Variants in CAPN8 observed in about 807,000 individuals in gnomAD.
CAPN8 encodes calpain 8.
In CAPN8, 87 loss-of-function variants were observed where a neutral mutation model predicts 80.9. That is an observed-to-expected ratio of 1.07 (90% CI 0.90 to 1.28). CAPN8 has a LOEUF of 1.28. CAPN8 is among the 50% of genes most tolerant of loss of function. The pLI, the probability that CAPN8 is intolerant of heterozygous loss-of-function variation, is 0.00. For synonymous variants in CAPN8, 299 were observed against 273.8 expected, an observed-to-expected ratio of 1.09 and a Z score of -0.91; for missense variants, 757 against 702.0, an observed-to-expected ratio of 1.08 and a Z score of -0.89.
At chr1:223,550,119 A>G (rs1052547256) in intron 15 of CAPN8, among the ~76,000 whole-genome samples, 1 of 152,080 alleles carries the variant, frequency 6.6e-6, no homozygotes, top group African/African-American at 2.4e-5. Context: ...CTCACCTTCC[A>G]TATACCTGGG....
At chr1:223,652,491 C>G (rs1658368905) in intron 2 of CAPN8, among the ~76,000 whole-genome samples, 1 of 152,156 alleles carries the variant, frequency 6.6e-6, no homozygotes, top group Admixed American at 6.5e-5. Context: ...GTGTGCTGCT[C>G]CCTTGTTCTT....
At position 223,544,775 on chromosome 1, in the gene CAPN8, C is replaced by A. The variant is rs1656572912; in HGVS notation, c.1909G>T (p.Ala637Ser). 1 of 1,551,576 alleles carries A rather than the reference C, an allele frequency of 6.4e-7. No homozygotes were observed. Among genetic ancestry groups the A allele is most frequent in the Admixed American group, 2.0e-5 (1 of 50,986 alleles). ...TGTCTACAGGATGTGTCCTCACCTG[C>A]CTTCCTGAGGGCTGTCCTCATCTCG... ...AHEMRTALRK[A>S]GFTLNSQVQQ... is the part of the protein sequence containing the mutation. Residue 637 changes from alanine to serine, a missense_variant, in exon 18 of 21, where the codon GCA becomes TCA. Transcript: ENST00000366872.
intron 2 of CAPN8, chr1:223,642,557 G>C (rs893231005): frequency 2.2e-5 from 7 of 325,322 alleles, no homozygotes; most frequent in Non-Finnish European, 4.2e-5. Flanking sequence ...GACTATTCTG[G>C]GCCAGGGGGG....
chr1:223,610,457 G>C (rs891386257), intron 11 of CAPN8, among the ~76,000 whole-genome samples: 9 of 152,188 alleles, frequency 5.9e-5, no homozygotes. Context: ...TGGCCAGAGA[G>C]GATGTGACCA....
At chr1:223,616,349 ATATGGCATCGCATTTGGAAATG>A (rs1299609130) in intron 9 of CAPN8, among the ~76,000 whole-genome samples, 1 of 152,226 alleles carries the variant, frequency 6.6e-6, no homozygotes, top group African/African-American at 2.4e-5. Context: ...ACACACAGAC[ATATGGCATCGCATTTGGAAATG>A]TGTGCTTGTC....
At chr1:223,631,018 A>G (rs1305947136) in intron 2 of CAPN8, among the ~76,000 whole-genome samples, 1 of 152,158 alleles carries the variant, frequency 6.6e-6, no homozygotes, top group Non-Finnish European at 1.5e-5. Context: ...CTAACAGGGC[A>G]TCAACACCCT....
At chr1:223,631,435 C>T (rs1184260347) in intron 2 of CAPN8, among the ~76,000 whole-genome samples, 1 of 152,106 alleles carries the variant, frequency 6.6e-6, no homozygotes, top group Non-Finnish European at 1.5e-5. Context: ...GCCCTTCCTC[C>T]TCACACCTCC....
intron 8 of CAPN8, 36 bp downstream of exon 8, chr1:223,620,156 C>T (rs1174288841): frequency 1.3e-6 from 2 of 1,529,250 alleles, no homozygotes; most frequent in Non-Finnish European, 1.8e-6. Context: ...GGACCCATCA[C>T]CAATGGGACA....
Position 223,628,136 on chromosome 1 carries a change from G to T in CAPN8, c.433C>A (p.Gln145Lys), listed in dbSNP as rs1253581388. ...YAGIFHFQFW[Q>K]YGEWVEVVID... ...ACCACCTCCACCCACTCTCCGTACT[G>T]CCAGAACTGGGGAGGGGGGACACAG... The change falls in exon 4 of 21, where the codon CAG (glutamine) becomes AAG (lysine). Residue 145 changes from glutamine (Q) to lysine (K), a missense_variant. Physicochemically the swap from Gln to Lys is moderately conservative, Grantham distance 53. Coordinates refer to ENST00000366872, the MANE Select transcript of CAPN8 (RefSeq NM_001143962.2). 3 of 1,545,700 alleles carry T rather than the reference G, an allele frequency of 1.9e-6. No homozygotes were observed. The highest frequency in any genetic ancestry group is 2.6e-6 in the Non-Finnish European group (3 of 1,144,138).
intron 1 of CAPN8, among the ~76,000 whole-genome samples, chr1:223,661,752 T>A (rs550737312): frequency 2.6e-5 from 4 of 152,334 alleles, no homozygotes; most frequent in African/African-American, 9.6e-5. Context: ...AAAACAGCAC[T>A]GTGGTTCCTC....
intron 15 of CAPN8, among the ~76,000 whole-genome samples, chr1:223,550,419 C>T (rs1656751263): frequency 6.6e-6 from 1 of 152,138 alleles, no homozygotes; most frequent in African/African-American, 2.4e-5. Flanking sequence ...AAACCAGCTC[C>T]CTGTGTCCTC....
chr1:223,657,044 G>C (rs1658514014), intron 1 of CAPN8, among the ~76,000 whole-genome samples: 1 of 152,120 alleles, frequency 6.6e-6, no homozygotes, highest in Admixed American at 6.5e-5. Context: ...AGAGAGCTTT[G>C]TAACTTCATT....
At chr1:223,658,785 G>A (rs1658563067) in intron 1 of CAPN8, among the ~76,000 whole-genome samples, 1 of 152,114 alleles carries the variant, frequency 6.6e-6, no homozygotes, top group Non-Finnish European at 1.5e-5. Flanking sequence ...CAGCCTGGGT[G>A]ATGGAGTGAA....
At position 223,622,818 on chromosome 1, in the gene CAPN8, T is replaced by C. The variant is rs1026295633; in HGVS notation, c.896A>G (p.Asp299Gly). Reference sequence around the variant, plus strand: ...GAAGCGGGGGAAAAAAACCTACTCATCGCTCCAGGCTCCCGACCACTCCAC... The same window carrying C: ...GAAGCGGGGGAAAAAAACCTACTCACCGCTCCAGGCTCCCGACCACTCCAC... Reference protein sequence around the residue: ...GEVEWSGAWSDDAPEWNHIDP... With the variant: ...GEVEWSGAWSGDAPEWNHIDP... The change falls in exon 7 of 21, where the codon GAT becomes GGT. Residue 299 changes from aspartate (D) to glycine (G), a missense_variant. Coordinates refer to ENST00000366872, the MANE Select transcript of CAPN8 (RefSeq NM_001143962.2). 54 of 1,551,436 alleles carry C rather than the reference T, an allele frequency of 3.5e-5. No individual in the cohort carries two copies. The highest frequency in any genetic ancestry group is 4.6e-5 in the Non-Finnish European group (53 of 1,146,856).
chr1:223,622,400 C>T (rs1299882349), intron 7 of CAPN8, among the ~76,000 whole-genome samples: 3 of 152,190 alleles, frequency 2.0e-5, no homozygotes, highest in African/African-American at 7.2e-5. Context: ...GGTCAAATTT[C>T]ATTTTCTCAG....
rs187267523 is a variant in CAPN8, at chr1:223,619,526, G to A, written c.975-73C>T. 379 of 1,501,222 alleles carry A rather than the reference G, an allele frequency of 2.5e-4. 1 individual carries two copies. The highest frequency in any genetic ancestry group is 1.4e-3 in the East Asian group (58 of 40,530). The allele number at this position is 1,501,222 out of a possible 1,614,324, so 93.0% of individuals were successfully genotyped here. Reference sequence around the variant, plus strand: ...GATTAAAGGCACGCATACTGAGCACGGGAAGGAGCCCTGTGGCACAGGCCC... The same window carrying A: ...GATTAAAGGCACGCATACTGAGCACAGGAAGGAGCCCTGTGGCACAGGCCC... On this transcript the variant is annotated intron_variant, in intron 8 of 20. Transcript: ENST00000366872.
intron 1 of CAPN8, among the ~76,000 whole-genome samples, chr1:223,663,932 C>A (rs543035124): frequency 6.6e-6 from 1 of 152,180 alleles, no homozygotes; most frequent in East Asian, 1.9e-4. Flanking sequence ...AAATAGGAAC[C>A]CTGACTTAAT....
intron 1 of CAPN8, among the ~76,000 whole-genome samples, chr1:223,658,721 G>A (rs1658561353): frequency 6.6e-6 from 1 of 152,134 alleles, no homozygotes; most frequent in South Asian, 2.1e-4. Context: ...CATAAGAATT[G>A]TTTGAAACCA....
chr1:223,555,320 T>A (rs1656879434), intron 13 of CAPN8, among the ~76,000 whole-genome samples: 1 of 152,184 alleles, frequency 6.6e-6, no homozygotes, highest in Admixed American at 6.5e-5. Flanking sequence ...CCCATGCACT[T>A]CTCCACCACC....
Sources: gnomAD v4.1 joint callset for allele counts (sites outside exome capture counted in the v4.1 genomes callset) on GRCh38, gnomAD v4.1.1 for gene constraint, MANE v1.5 for transcripts, NCBI Gene and HGNC (gene_info 2026-07-23, HGNC 2026-07-21) for gene names.